The following RABGAP1L variants were observed in gnomAD, a reference collection of about 807,000 sequenced individuals.
The protein encoded by RABGAP1L is RAB GTPase activating protein 1 like.
A neutral mutation model predicts 137.7 loss-of-function variants in RABGAP1L; 63 were observed. The ratio of observed to expected loss-of-function variants is 0.46; its 90% CI spans 0.37 to 0.56. The LOEUF is 0.56. Among genes scored for constraint, RABGAP1L ranks in the 20% least tolerant of loss-of-function variants. The probability of loss-of-function intolerance (pLI) is 0.00; values close to 1 mark genes in which losing one functional copy is unlikely to be tolerated. For synonymous variants in RABGAP1L, 431 were observed against 433.7 expected, an observed-to-expected ratio of 0.99 and a Z score of 0.08; for missense variants, 1,095 against 1,244.0, an observed-to-expected ratio of 0.88 and a Z score of 1.80.
At chr1:174,231,410 G>A (rs767113797) in intron 4 of RABGAP1L, 55 bp downstream of exon 4, 231 of 1,501,348 alleles carry the variant, frequency 1.5e-4, no homozygotes, top group Non-Finnish European at 2.1e-4. Flanking sequence ...GGGTGGTGGT[G>A]AAGATGTTAT....
chr1:174,491,646 G>A lies in RABGAP1L; in HGVS notation c.1710+97501G>A, dbSNP rs146430831. ...TGGCTCTGACACCAGCCCAGCACAA[G>A]GACTCACCTACGACTTAGAGTCCTT... On this transcript the variant is annotated intron_variant, in intron 13 of 25. Coordinates refer to ENST00000681986, the MANE Select transcript of RABGAP1L (RefSeq NM_001366446.1). 5.2e-3 allele frequency among the ~76,000 whole-genome samples: 787 copies of A among 152,174 alleles called. 10 individuals carry two copies. The highest frequency in any genetic ancestry group is 0.017 in the African/African-American group (703 of 41,510).
At chr1:174,294,336 T>C (rs1269697066) in intron 10 of RABGAP1L, among the ~76,000 whole-genome samples, 1 of 152,172 alleles carries the variant, frequency 6.6e-6, no homozygotes, top group Non-Finnish European at 1.5e-5. Context: ...ATAGGTCAGG[T>C]GTTTGAAGTG....
chr1:174,284,355 G>C (rs1342528888), intron 10 of RABGAP1L, among the ~76,000 whole-genome samples: 1 of 152,040 alleles, frequency 6.6e-6, no homozygotes, highest in East Asian at 1.9e-4. Flanking sequence ...TGTCTTTCTA[G>C]TCTAGCTTTT....
At chr1:174,784,642 G>A (rs1463771272) in intron 18 of RABGAP1L, among the ~76,000 whole-genome samples, 1 of 152,202 alleles carries the variant, frequency 6.6e-6, no homozygotes, top group Non-Finnish European at 1.5e-5. Flanking sequence ...GGCCTGAGGG[G>A]CATGTCAGGA....
intron 12 of RABGAP1L, among the ~76,000 whole-genome samples, chr1:174,383,761 A>G (rs966799205): frequency 6.6e-6 from 1 of 152,032 alleles, no homozygotes. Context: ...TGCGTCGCTC[A>G]TGCTGGGAGC....
chr1:174,840,008 T>G (rs1231147696), intron 19 of RABGAP1L, among the ~76,000 whole-genome samples: 26 of 152,202 alleles, frequency 1.7e-4, no homozygotes, highest in Non-Finnish European at 5.9e-5. Flanking sequence ...ATGCATAATG[T>G]TGGTCATCAG....
intron 13 of RABGAP1L, among the ~76,000 whole-genome samples, chr1:174,635,184 A>G (rs1035818665): frequency 6.6e-6 from 1 of 152,182 alleles, no homozygotes; most frequent in Non-Finnish European, 1.5e-5. Context: ...TAAACACAGC[A>G]TAATGCTAAA....
At chr1:174,948,342 G>A (rs1046694030) in intron 19 of RABGAP1L, among the ~76,000 whole-genome samples, 3 of 151,706 alleles carry the variant, frequency 2.0e-5, no homozygotes, top group East Asian at 1.9e-4. Flanking sequence ...TCAACATAGC[G>A]AGACCCTGTC....
chr1:174,548,833 T>C lies in RABGAP1L; in HGVS notation c.1711-88542T>C, dbSNP rs1224324791. Among the ~76,000 whole-genome samples, 3 of 152,180 alleles carry C rather than the reference T, an allele frequency of 2.0e-5. No individual in the cohort carries two copies. The East Asian group carries it at 5.8e-4, about 29-fold the overall frequency. ...CTAAAAGTATACCTGAATCTCTAGG[T>C]AGCATATTTACAAGCTTAGTTAGAA... On this transcript the variant is annotated intron_variant, in intron 13 of 25. Transcript: ENST00000681986.
chr1:174,321,552 A>C (rs1679987989), intron 11 of RABGAP1L, among the ~76,000 whole-genome samples: 1 of 152,198 alleles, frequency 6.6e-6, no homozygotes, highest in Non-Finnish European at 1.5e-5. Context: ...CACGTAGGGA[A>C]ATAGAAAAGA....
At chr1:174,612,726 A>G (rs1407718435) in intron 13 of RABGAP1L, among the ~76,000 whole-genome samples, 2 of 152,184 alleles carry the variant, frequency 1.3e-5, no homozygotes, top group African/African-American at 4.8e-5. Context: ...TATTGCCACA[A>G]TTTCAGAGCC....
At chr1:174,452,861 G>T (rs539782039) in intron 13 of RABGAP1L, among the ~76,000 whole-genome samples, 1 of 151,886 alleles carries the variant, frequency 6.6e-6, no homozygotes, top group Admixed American at 6.6e-5. Flanking sequence ...GCACCCAGCC[G>T]GTAGCTGCTG....
intron 11 of RABGAP1L, among the ~76,000 whole-genome samples, chr1:174,337,926 TA>T: frequency 6.6e-6 from 1 of 152,310 alleles, no homozygotes; most frequent in Admixed American, 6.5e-5. Flanking sequence ...TAAATAGGAA[TA>T]AACAGTTTAA....
intron 12 of RABGAP1L, among the ~76,000 whole-genome samples, chr1:174,385,659 A>G (rs1358276782): frequency 2.0e-5 from 3 of 152,210 alleles, no homozygotes; most frequent in Non-Finnish European, 2.9e-5. Context: ...AAGGAGCCCA[A>G]GAAAGTACAA....
intron 13 of RABGAP1L, among the ~76,000 whole-genome samples, chr1:174,622,096 T>A (rs1343519742): frequency 6.6e-6 from 1 of 152,104 alleles, no homozygotes; most frequent in Non-Finnish European, 1.5e-5. Context: ...AAGAGACACA[T>A]GAAAAAATGC....
chr1:174,875,120 T>A (rs1039483767), intron 19 of RABGAP1L, among the ~76,000 whole-genome samples: 1 of 152,194 alleles, frequency 6.6e-6, no homozygotes, highest in African/African-American at 2.4e-5. Flanking sequence ...TTTTAAAACA[T>A]TTATCTAAGA....
At chr1:174,350,184 G>T (rs1418951969) in intron 11 of RABGAP1L, among the ~76,000 whole-genome samples, 76 of 136,410 alleles carry the variant, frequency 5.6e-4, no homozygotes, top group African/African-American at 2.0e-3. Context: ...CCGGGCGGGG[G>T]GCTGACCCCC....
chr1:174,648,233 T>A (rs1675158921), intron 14 of RABGAP1L, among the ~76,000 whole-genome samples: 1 of 152,136 alleles, frequency 6.6e-6, no homozygotes, highest in Non-Finnish European at 1.5e-5. Flanking sequence ...TAGTTATTTC[T>A]TGTCTTCTGC....
At chr1:174,263,556 C>G (rs566415523) in intron 7 of RABGAP1L, among the ~76,000 whole-genome samples, 2 of 151,904 alleles carry the variant, frequency 1.3e-5, no homozygotes, top group South Asian at 4.1e-4. Flanking sequence ...AAAAACAAAA[C>G]AAAAAAGTGG....
Sources: gnomAD v4.1 joint callset for allele counts (sites outside exome capture counted in the v4.1 genomes callset) on GRCh38, gnomAD v4.1.1 for gene constraint, MANE v1.5 for transcripts, NCBI Gene and HGNC (gene_info 2026-07-23, HGNC 2026-07-21) for gene names.